The following ARMCX4 variants were observed in gnomAD, a reference collection of about 807,000 sequenced individuals.
ARMCX4 encodes the protein armadillo repeat containing X-linked 4.
A neutral mutation model predicts 34.7 loss-of-function variants in ARMCX4; 3 were observed. The observed-to-expected ratio is 0.09, with a 90% CI of 0.04 to 0.22. The LOEUF (loss-of-function observed/expected upper bound fraction) is 0.22, where lower values mean the gene tolerates loss of function less well. Ranked by LOEUF, ARMCX4 falls within the 10% of genes least tolerant of loss-of-function variation. The probability of loss-of-function intolerance (pLI) is 1.00; values close to 1 mark genes in which losing one functional copy is unlikely to be tolerated. For synonymous variants in ARMCX4, 513 were observed against 632.8 expected, an observed-to-expected ratio of 0.81 and a Z score of 2.84; for missense variants, 1,448 against 1,720.8, an observed-to-expected ratio of 0.84 and a Z score of 2.81.
At position 101,492,468 on chromosome X, in the gene ARMCX4, T is replaced by G; in HGVS notation, c.3879T>G (p.Ala1293=). ...AGNMSSVSYW[A]GVVDQAGGGS... is the part of the protein sequence containing the mutation. ...ATATGAGTAGTGTTTCATACTGGGCTGGGGTTGTGGATCAGGCCGGTGGAG... is the reference window on the plus strand; with the variant it reads ...ATATGAGTAGTGTTTCATACTGGGCGGGGGTTGTGGATCAGGCCGGTGGAG... The change falls in exon 6 of 6, where the codon GCT becomes GCG. Residue 1293 remains alanine (A), a synonymous_variant. Coordinates refer to ENST00000423738, the MANE Select transcript of ARMCX4 (RefSeq NM_001256155.3). 3.5e-6 allele frequency: 4 copies of G among 1,153,444 alleles called. No homozygotes were observed. Among genetic ancestry groups the G allele is most frequent in the Non-Finnish European group, 4.6e-6 (4 of 871,891 alleles).
At chrX:101,433,585 C>T (rs1202460359) in intron 2 of ARMCX4, among the ~76,000 whole-genome samples, 1 of 111,779 alleles carries the variant, frequency 8.9e-6, no homozygotes, top group Non-Finnish European at 1.9e-5. Flanking sequence ...GCAGGTACAA[C>T]AAGTCACTGG....
At chrX:101,429,599 G>T (rs1378272518) in intron 2 of ARMCX4, among the ~76,000 whole-genome samples, 1 of 111,062 alleles carries the variant, frequency 9.0e-6, no homozygotes, top group African/African-American at 3.3e-5. Context: ...GCCTCCCAAA[G>T]TGTTGGGATT....
chrX:101,432,681 CATATATACGT>C (rs1555992377), intron 2 of ARMCX4, among the ~76,000 whole-genome samples: 1 of 106,461 alleles, frequency 9.4e-6, no homozygotes, highest in East Asian at 3.0e-4. Context: ...CATGTATATA[CATATATACGT>C]ATATATACAC....
intron 11 of ARMCX4, among the ~76,000 whole-genome samples, chrX:101,524,863 G>A (rs905820258): frequency 1.3e-4 from 14 of 111,925 alleles, no homozygotes; most frequent in Middle Eastern, 9.3e-3. Flanking sequence ...CCACCTCTGG[G>A]GGCAGGGCAT....
At chrX:101,479,642 G>A (rs907632709) in intron 4 of ARMCX4, among the ~76,000 whole-genome samples, 2 of 108,695 alleles carry the variant, frequency 1.8e-5, no homozygotes, top group East Asian at 5.7e-4. Context: ...CACCACCCCT[G>A]GCTAATTTTT....
chrX:101,534,902 G>A (rs1485531309), downstream of ARMCX4, among the ~76,000 whole-genome samples: 1 of 111,809 alleles, frequency 8.9e-6, no homozygotes, highest in Non-Finnish European at 1.9e-5. Context: ...GCATTCCCCT[G>A]TTGAGTATTT....
chrX:101,427,166 T>G (rs1350413376), intron 2 of ARMCX4, among the ~76,000 whole-genome samples: 1 of 112,243 alleles, frequency 8.9e-6, no homozygotes, highest in African/African-American at 3.2e-5. Context: ...AAAGCCAGGC[T>G]AGGAAGGGAA....
In ARMCX4 at chrX:101,437,153, G is replaced by A. The variant is rs782809146; in HGVS notation, n.165-6899G>A. ...AGGCTTTGGTATCAAGATGATGCTGGCCTCATAAAATGAGTTAGGGAGGAT... is the reference window on the plus strand; with the variant it reads ...AGGCTTTGGTATCAAGATGATGCTGACCTCATAAAATGAGTTAGGGAGGAT... On this transcript the variant is annotated intron_variant and non_coding_transcript_variant, in intron 2 of 3. Coordinates refer to the ARMCX4 transcript ENST00000430461. 2.7e-5 allele frequency among the ~76,000 whole-genome samples: 3 copies of A among 111,817 alleles called. No homozygotes were observed. In the East Asian group the frequency reaches 8.4e-4, roughly 31 times the overall value.
chrX:101,465,874 C>T (rs959960566), intron 4 of ARMCX4, among the ~76,000 whole-genome samples: 2 of 111,785 alleles, frequency 1.8e-5, no homozygotes, highest in Non-Finnish European at 3.8e-5. Flanking sequence ...AATTAAGCTA[C>T]AACTTTAAAA....
chrX:101,504,511 G>C (rs375613967), intron 7 of ARMCX4, among the ~76,000 whole-genome samples: 1 of 110,741 alleles, frequency 9.0e-6, no homozygotes, highest in Non-Finnish European at 1.9e-5. Flanking sequence ...TGGGACTTAG[G>C]GGGGCCTTCT....
In ARMCX4 at chrX:101,488,059, G is replaced by C; in HGVS notation, c.-187G>C. The C allele has an allele frequency of 1.1e-6, 1 of 947,718 alleles. No individual in the cohort carries two copies. Among genetic ancestry groups the C allele is most frequent in the Non-Finnish European group, 1.4e-6 (1 of 733,756 alleles). The allele number at this position is 947,718 out of a possible 1,213,427, so 78.1% of individuals were successfully genotyped here. On this transcript the variant is annotated 5_prime_UTR_variant, in exon 5 of 6. Coordinates refer to ENST00000423738, the MANE Select transcript of ARMCX4 (RefSeq NM_001256155.3). ...TCTACTTTAGGGTGTACTGCCAAGA[G>C]AAGCAAGAGGAGAGGAGGGAACTGC...
chrX:101,487,582 C>T, intron 3 of ARMCX4, 26 bp from the exon 4 acceptor site: 1 of 866,160 alleles, frequency 1.2e-6, no homozygotes. Context: ...GTTTCCATTA[C>T]CTACTGTTTG....
chrX:101,433,175 T>C (rs1333747169), intron 2 of ARMCX4, among the ~76,000 whole-genome samples: 1 of 93,936 alleles, frequency 1.1e-5, no homozygotes. Flanking sequence ...CATACATGTG[T>C]ATATACACGC....
chrX:101,431,765 G>C (rs948606030), intron 2 of ARMCX4, among the ~76,000 whole-genome samples: 1 of 111,617 alleles, frequency 9.0e-6, no homozygotes. Context: ...GGATGGTCTT[G>C]ATCTCCTGAC....
exon 2 of ARMCX4, chrX:101,418,984 G>C (rs1001621237): frequency 9.1e-6 from 1 of 109,305 alleles, no homozygotes; most frequent in African/African-American, 3.3e-5. Context: ...ACTTCAAAAA[G>C]TTCTGAAAAC....
intron 2 of ARMCX4, among the ~76,000 whole-genome samples, chrX:101,440,775 G>C (rs5951315): frequency 9.0e-6 from 1 of 110,550 alleles, no homozygotes; most frequent in African/African-American, 3.3e-5. Flanking sequence ...CTCCGAGCCA[G>C]GTGCGGGATA....
intron 2 of ARMCX4, among the ~76,000 whole-genome samples, chrX:101,437,075 A>T (rs1188161740): frequency 9.0e-6 from 1 of 111,581 alleles, no homozygotes; most frequent in African/African-American, 3.3e-5. Flanking sequence ...TTTTGCATGG[A>T]TGTTCATCAG....
chrX:101,455,544 A>G (rs782479878), intron 4 of ARMCX4, among the ~76,000 whole-genome samples: 24 of 112,256 alleles, frequency 2.1e-4, no homozygotes, highest in African/African-American at 7.4e-4. Context: ...ATAATTTATA[A>G]TCTACTTAAG....
intron 2 of ARMCX4, among the ~76,000 whole-genome samples, chrX:101,438,902 A>G (rs1465537411): frequency 2.7e-5 from 3 of 111,439 alleles, no homozygotes; most frequent in East Asian, 2.8e-4. Context: ...ACAGCACACT[A>G]ATGGGTCTTG....
Sources: gnomAD v4.1 joint callset for allele counts (sites outside exome capture counted in the v4.1 genomes callset) on GRCh38, gnomAD v4.1.1 for gene constraint, MANE v1.5 for transcripts, NCBI Gene and HGNC (gene_info 2026-07-23, HGNC 2026-07-21) for gene names.